Variants in PCBD2 observed in about 807,000 individuals in gnomAD.
PCBD2 encodes pterin-4 alpha-carbinolamine dehydratase 2, also known as pterin-4-alpha-carbinolamine dehydratase 2.
A neutral mutation model predicts 16.4 loss-of-function variants in PCBD2; 12 were observed. The ratio of observed to expected loss-of-function variants is 0.73; its 90% confidence interval spans 0.47 to 1.19. PCBD2 has a LOEUF of 1.19. Ranked by LOEUF, PCBD2 falls within the 50% of genes most tolerant of loss-of-function variation. PCBD2 has a pLI of 0.00. For missense variants in PCBD2, 138 were observed against 156.8 expected (o/e 0.88, Z 0.64); for synonymous variants, 58 against 61.8 (o/e 0.94, Z 0.29).
At chr5:134,921,313 A>C (rs1317797996) in intron 2 of PCBD2, among the ~76,000 whole-genome samples, 1 of 152,134 alleles carries the variant, frequency 6.6e-6, no homozygotes, top group Non-Finnish European at 1.5e-5. Context: ...CAGGTACTAG[A>C]ATGTGAAGTG....
At chr5:134,910,657 T>C (rs1027306234) in intron 2 of PCBD2, among the ~76,000 whole-genome samples, 191 bp downstream of exon 2, 1 of 152,238 alleles carries the variant, frequency 6.6e-6, no homozygotes, top group Non-Finnish European at 1.5e-5. Context: ...TGTTTAGCTC[T>C]GGGGGAAGAG....
chr5:134,921,599 T>G (rs1750904321), intron 2 of PCBD2, among the ~76,000 whole-genome samples: 1 of 152,026 alleles, frequency 6.6e-6, no homozygotes, highest in African/African-American at 2.4e-5. Flanking sequence ...TTCCCACCAG[T>G]TTAGGGTGTC....
intron 2 of PCBD2, among the ~76,000 whole-genome samples, chr5:134,940,658 A>C (rs1157123059): frequency 1.3e-5 from 2 of 152,008 alleles, no homozygotes; most frequent in Non-Finnish European, 2.9e-5. Context: ...TCAGAGCAGT[A>C]CTCTATTCTC....
chr5:134,921,326 G>A (rs750318184), intron 2 of PCBD2, among the ~76,000 whole-genome samples: 4 of 152,186 alleles, frequency 2.6e-5, no homozygotes, highest in Non-Finnish European at 5.9e-5. Context: ...GTGAAGTGCT[G>A]TGCTAATAAG....
chr5:134,938,242 C>T (rs375796429), intron 2 of PCBD2, among the ~76,000 whole-genome samples: 27 of 152,278 alleles, frequency 1.8e-4, no homozygotes, highest in African/African-American at 4.1e-4. Flanking sequence ...AGGCATGTCT[C>T]CAGATCCGTC....
In PCBD2 at chr5:134,921,904, C is replaced by T. The variant is rs927541593; in HGVS notation, c.216+11438C>T. Among the ~76,000 whole-genome samples the T allele has an allele frequency of 2.0e-5, 3 of 152,310 alleles. No homozygotes were observed. The South Asian group carries it at 6.2e-4, about 32-fold the overall frequency. On this transcript the variant is annotated intron_variant, in intron 2 of 3. Transcript: ENST00000254908. ...TTTGTCATGACCAAGTTGGTCTCTG[C>T]TCAGATAATCTCACTGCCTTCCAAT...
At chr5:134,905,371 G>C (rs966813281) in intron 1 of PCBD2, 148 bp downstream of exon 1, 1 of 623,558 alleles carries the variant, frequency 1.6e-6, no homozygotes, top group Non-Finnish European at 2.3e-6. Context: ...CGCGTCCCGG[G>C]ACTGACCACC....
At chr5:134,927,852 G>A (rs769970109) in intron 2 of PCBD2, 129 of 279,134 alleles carry the variant, frequency 4.6e-4, no homozygotes, top group Non-Finnish European at 1.1e-4. Context: ...GAGGGGGGTC[G>A]TTAGGGGGTC....
At chr5:134,917,861 CA>C (rs1048792176) in intron 2 of PCBD2, among the ~76,000 whole-genome samples, 1 of 151,490 alleles carries the variant, frequency 6.6e-6, no homozygotes, top group Non-Finnish European at 1.5e-5. Flanking sequence ...TAGAGCAGTT[CA>C]AAGTTACTTT....
chr5:134,960,538 C>T, intron 3 of PCBD2, 48 bp from the exon 4 acceptor site: 4 of 1,320,096 alleles, frequency 3.0e-6, no homozygotes, highest in Non-Finnish European at 4.3e-6. Context: ...AGGAAAATAA[C>T]CATGATTTGC....
chr5:134,929,475 A>C lies in PCBD2; in HGVS notation c.216+19009A>C, dbSNP rs1055264360. ...CACCAAGTAAGATGAGTACCAGGGG[A>C]TGCCCATTGGAGGAAGCAGCATGGA... On this transcript the variant is annotated intron_variant, in intron 2 of 3. Transcript: ENST00000254908. Among the ~76,000 whole-genome samples the C allele has an allele frequency of 9.9e-5, 15 of 152,194 alleles. No homozygotes were observed. In the East Asian group the frequency reaches 2.9e-3, roughly 29 times the overall value.
intron 2 of PCBD2, chr5:134,927,280 G>C (rs1751019937): frequency 2.5e-6 from 1 of 398,344 alleles, no homozygotes; most frequent in Admixed American, 4.4e-5. Flanking sequence ...TGTTTTGTCA[G>C]GGGGTTGAGA....
chr5:134,953,445 G>A (rs76891287), intron 2 of PCBD2, among the ~76,000 whole-genome samples: 8,502 of 149,958 alleles, frequency 0.057, 484 homozygotes, highest in African/African-American at 0.15. Flanking sequence ...ACCTATGTAT[G>A]GTATCTACAA....
At chr5:134,910,261 T>A in intron 1 of PCBD2, 74 bp from the exon 2 acceptor site, 1 of 1,490,414 alleles carries the variant, frequency 6.7e-7, no homozygotes. Flanking sequence ...CATCTCTGCT[T>A]AAGGTAAGGA....
At chr5:134,912,998 T>G (rs1750786394) in intron 2 of PCBD2, among the ~76,000 whole-genome samples, 1 of 152,248 alleles carries the variant, frequency 6.6e-6, no homozygotes. Context: ...CAACTACTTT[T>G]ATTTTTCTCT....
chr5:134,912,202 A>G (rs1168129638), intron 2 of PCBD2, among the ~76,000 whole-genome samples: 2 of 152,188 alleles, frequency 1.3e-5, no homozygotes, highest in Non-Finnish European at 1.5e-5. Flanking sequence ...GAGGCAGATG[A>G]CAAGAAAATC....
chr5:134,943,315 G>A (rs960047496), intron 2 of PCBD2, among the ~76,000 whole-genome samples: 3 of 152,134 alleles, frequency 2.0e-5, no homozygotes, highest in East Asian at 3.8e-4. Flanking sequence ...TTTGAAAACT[G>A]GGGACGGTAT....
chr5:134,915,146 C>G (rs1198801117), intron 2 of PCBD2, among the ~76,000 whole-genome samples: 1 of 151,940 alleles, frequency 6.6e-6, no homozygotes, highest in African/African-American at 2.4e-5. Context: ...GAAACCCTGT[C>G]TCTACCAAAA....
chr5:134,945,584 T>C (rs1459300936), intron 2 of PCBD2, among the ~76,000 whole-genome samples: 1 of 152,240 alleles, frequency 6.6e-6, no homozygotes, highest in African/African-American at 2.4e-5. Context: ...TCTCTCTTCA[T>C]TGCTATTTTC....
Sources: gnomAD v4.1 joint callset for allele counts (sites outside exome capture counted in the v4.1 genomes callset) on GRCh38, gnomAD v4.1.1 for gene constraint, MANE v1.5 for transcripts, NCBI Gene and HGNC (gene_info 2026-07-23, HGNC 2026-07-21) for gene names.